SATL1: variants seen among roughly 807,000 people sequenced by gnomAD.
SATL1 encodes the protein spermidine/spermine N1-acetyl transferase like 1.
Under a neutral mutation model 51.8 loss-of-function variants are expected in SATL1, and 47 were observed. The ratio of observed to expected loss-of-function variants is 0.91; its 90% CI spans 0.72 to 1.16. The LOEUF is 1.16. Ranked by LOEUF, SATL1 falls within the 50% of genes most tolerant of loss-of-function variation. SATL1 has a pLI of 0.00. For synonymous variants in SATL1, 176 were observed against 182.4 expected, an observed-to-expected ratio of 0.97 and a Z score of 0.28; for missense variants, 520 against 526.4, an observed-to-expected ratio of 0.99 and a Z score of 0.12.
At chrX:85,115,074 A>G (rs1925351676) in intron 2 of SATL1, among the ~76,000 whole-genome samples, 1 of 111,611 alleles carries the variant, frequency 9.0e-6, no homozygotes, top group Non-Finnish European at 1.9e-5. Flanking sequence ...AGGCTACAGG[A>G]GGAAGTGGAA....
rs190465597 is a variant in SATL1 at position 85,166,684 on chromosome X, T to A, written c.-312-57404A>T. Among the ~76,000 whole-genome samples, 702 of 110,735 alleles carry A rather than the reference T, an allele frequency of 6.3e-3. 3 individuals carry two copies. The highest frequency in any genetic ancestry group is 0.011 in the Non-Finnish European group (570 of 52,894). ...CACTTTTACACTGCTGGTGGAAATG[T>A]AAACTAGTACAACCATTATGGAAAA... On this transcript the variant is annotated intron_variant, in intron 2 of 7. Transcript: ENST00000644105.
rs1399582020 is a variant in SATL1 at position 85,096,871 on chromosome X, AAAAG to A, written c.1694-1879_1694-1876del. ...CCCACCCCAGCCCCCTCAAAAAAAA[AAAAG>A]AAAGAAACTGAAGGAATTCATTACC... is the stretch of plus-strand genomic sequence containing the variant. On this transcript the variant is annotated intron_variant, in intron 4 of 7. Coordinates refer to ENST00000644105, the MANE Select transcript of SATL1 (RefSeq NM_001367857.2). Among the ~76,000 whole-genome samples the A allele has an allele frequency of 3.1e-3, 218 of 70,400 alleles. 3 individuals are homozygous for A. The highest frequency in any genetic ancestry group is 8.5e-3 in the Middle Eastern group (1 of 118). The allele number at this position is 70,400 out of a possible 115,157, so 61.1% of individuals were successfully genotyped here.
At chrX:85,156,354 G>A (rs1010827534) in intron 2 of SATL1, 1 of 111,360 alleles carries the variant, frequency 9.0e-6, no homozygotes, top group African/African-American at 3.3e-5. Flanking sequence ...TCCAACCTTA[G>A]CAGAATTCTG....
chrX:85,142,407 A>T (rs1010219012), intron 2 of SATL1, among the ~76,000 whole-genome samples: 5 of 108,504 alleles, frequency 4.6e-5, no homozygotes, highest in African/African-American at 1.7e-4. Context: ...AAAAAAAAAA[A>T]AAAAAAATTG....
Position 85,108,885 on chromosome X carries a change from A to G in SATL1, c.84T>C (p.Gly28=). 1 of 1,211,328 alleles carries G rather than the reference A, an allele frequency of 8.3e-7. No individual in the cohort carries two copies. Among genetic ancestry groups the G allele is most frequent in the Non-Finnish European group, 1.1e-6 (1 of 895,437 alleles). ...CTTGGTTCATGTCCATTTGGTTCAT[A>G]CCAAGTGAGTTTGTGCTTGGCTGGT... ...GINQPSTNSL[G]MNQMDMNQGS... Residue 28 remains glycine, a synonymous_variant, in exon 3 of 8, where the codon GGT becomes GGC. Coordinates refer to ENST00000644105, the MANE Select transcript of SATL1 (RefSeq NM_001367857.2).
At chrX:85,131,342 A>G (rs750261666) in intron 2 of SATL1, among the ~76,000 whole-genome samples, 91 of 111,629 alleles carry the variant, frequency 8.2e-4, no homozygotes, top group African/African-American at 2.8e-3. Flanking sequence ...TGTATTGGGT[A>G]CATATATATT....
In SATL1 at chrX:85,108,202, G is replaced by A; in HGVS notation, c.767C>T (p.Ser256Phe). The part of the protein sequence containing the change: ...PDANQSSLSD[S>F]NQTGIIQPSP... ...TGGCTGGATTATACCTGTTTGGTTG[G>A]AATCTGATAAACTTGATTGGTTTGC... The change falls in exon 3 of 8, where the codon TCC becomes TTC. Residue 256 changes from serine to phenylalanine, a missense_variant. Coordinates refer to ENST00000644105, the MANE Select transcript of SATL1 (RefSeq NM_001367857.2). 1 of 1,211,815 alleles carries A rather than the reference G, an allele frequency of 8.3e-7. No homozygotes were observed.
chrX:85,232,541 T>C (rs189410825), intron 1 of SATL1, among the ~76,000 whole-genome samples: 91 of 111,609 alleles, frequency 8.2e-4, no homozygotes, highest in Non-Finnish European at 1.4e-3. Context: ...TAGACTTATA[T>C]TGGGCTAGAG....
Position 85,185,056 on chromosome X carries a change from C to T in SATL1, c.-313+39149G>A, listed in dbSNP as rs6623241. Among the ~76,000 whole-genome samples the T allele has an allele frequency of 0.027, 3,001 of 112,386 alleles. 176 individuals are homozygous for T. The East Asian group carries it at 0.33, about 12-fold the overall frequency. The stretch of plus-strand genomic sequence containing the variant: ...CACCTATATCTGCATTAGGGGTCAG[C>T]CCAAGCCCATAACATTGTGGATCTT... On this transcript the variant is annotated intron_variant, in intron 2 of 7. Coordinates refer to ENST00000644105, the MANE Select transcript of SATL1 (RefSeq NM_001367857.2).
intron 2 of SATL1, among the ~76,000 whole-genome samples, chrX:85,111,889 CA>C (rs1270685849): frequency 9.0e-6 from 1 of 111,548 alleles, no homozygotes; most frequent in African/African-American, 3.3e-5. Flanking sequence ...CTTTTAGTAG[CA>C]GAATGTATCC....
chrX:85,199,364 C>T lies in SATL1; in HGVS notation c.-313+24841G>A, dbSNP rs367997060. On this transcript the variant is annotated intron_variant, in intron 2 of 7. Coordinates refer to ENST00000644105, the MANE Select transcript of SATL1 (RefSeq NM_001367857.2). The stretch of plus-strand genomic sequence containing the variant: ...AATTAGTATATCACTACGGAGAACG[C>T]TTTGGAAGCTCCTCAAAAGACTGAA... Among the ~76,000 whole-genome samples the T allele has an allele frequency of 1.2e-4, 13 of 111,634 alleles. No homozygotes were observed. The East Asian group carries it at 2.8e-3, about 24-fold the overall frequency.
At chrX:85,151,101 A>T (rs1350566390) in intron 2 of SATL1, among the ~76,000 whole-genome samples, 1 of 109,260 alleles carries the variant, frequency 9.2e-6, no homozygotes, top group Non-Finnish European at 1.9e-5. Flanking sequence ...TTAAGCTGAT[A>T]AGCAACTTCA....
chrX:85,150,510 C>A (rs1417021912), intron 2 of SATL1, among the ~76,000 whole-genome samples: 2 of 108,727 alleles, frequency 1.8e-5, no homozygotes, highest in African/African-American at 3.3e-5. Context: ...GAGACACAAC[C>A]AAAAAAGAGA....
chrX:85,198,538 A>G (rs960572167), intron 2 of SATL1, among the ~76,000 whole-genome samples: 3 of 111,764 alleles, frequency 2.7e-5, no homozygotes, highest in African/African-American at 9.8e-5. Flanking sequence ...GTGAGATGCT[A>G]TAACATTGTA....
At chrX:85,154,541 T>C (rs1394515960) in intron 2 of SATL1, among the ~76,000 whole-genome samples, 1 of 111,969 alleles carries the variant, frequency 8.9e-6, no homozygotes, top group Non-Finnish European at 1.9e-5. Flanking sequence ...GTTTCACACC[T>C]ATCAACTCAT....
chrX:85,146,869 T>G (rs1266361584), intron 2 of SATL1, among the ~76,000 whole-genome samples: 5 of 112,613 alleles, frequency 4.4e-5, no homozygotes, highest in African/African-American at 1.6e-4. Context: ...ACAACTCCGG[T>G]CTACAGCTCC....
intron 2 of SATL1, among the ~76,000 whole-genome samples, chrX:85,218,229 C>T (rs908625602): frequency 9.1e-6 from 1 of 110,133 alleles, no homozygotes; most frequent in African/African-American, 3.3e-5. Flanking sequence ...ACACAGTTTA[C>T]CTATATAACA....
chrX:85,205,616 GA>G (rs1927777656), intron 2 of SATL1, among the ~76,000 whole-genome samples: 1 of 111,772 alleles, frequency 8.9e-6, no homozygotes, highest in Non-Finnish European at 1.9e-5. Context: ...AAATCCTTAG[GA>G]AAAAATGGGC....
intron 2 of SATL1, among the ~76,000 whole-genome samples, chrX:85,169,216 T>C (rs897720344): frequency 2.7e-5 from 3 of 111,549 alleles, no homozygotes; most frequent in African/African-American, 9.8e-5. Context: ...AATGGGCAAA[T>C]ATTTCATGAC....
Sources: gnomAD v4.1 joint callset for allele counts (sites outside exome capture counted in the v4.1 genomes callset) on GRCh38, gnomAD v4.1.1 for gene constraint, MANE v1.5 for transcripts, NCBI Gene and HGNC (gene_info 2026-07-23, HGNC 2026-07-21) for gene names.